The following ATF7 variants were observed in gnomAD, a reference collection of about 807,000 sequenced individuals.
ATF7 encodes activating transcription factor 7.
Under a neutral mutation model 50.4 loss-of-function variants are expected in ATF7, and 10 were observed. That is an observed-to-expected ratio of 0.20 (90% CI 0.12 to 0.34). The LOEUF (loss-of-function observed/expected upper bound fraction) is 0.34, where lower values mean the gene tolerates loss of function less well. Ranked by LOEUF, ATF7 falls within the 10% of genes least tolerant of loss-of-function variation. ATF7 has a pLI of 1.00. For synonymous variants in ATF7, 201 were observed against 226.4 expected (o/e 0.89, Z 1.01); for missense variants, 465 against 613.9 (o/e 0.76, Z 2.56).
chr12:53,620,575 CAAAAAAAAA>C (rs34516346), intron 1 of ATF7, among the ~76,000 whole-genome samples: 1 of 75,770 alleles, frequency 1.3e-5, no homozygotes, highest in East Asian at 4.6e-4. Context: ...GACTCCGTCT[CAAAAAAAAA>C]AAAAAAAAAA....
At chr12:53,614,629 G>GA (rs1226108651) in intron 1 of ATF7, among the ~76,000 whole-genome samples, 1 of 152,224 alleles carries the variant, frequency 6.6e-6, no homozygotes, top group East Asian at 1.9e-4. Context: ...AAGTTCTCAG[G>GA]AAAAAATATT....
chr12:53,573,484 G>A (rs1941885817), intron 2 of ATF7, among the ~76,000 whole-genome samples: 1 of 152,222 alleles, frequency 6.6e-6, no homozygotes, highest in Non-Finnish European at 1.5e-5. Context: ...GTAGTGCTTG[G>A]CAGGCAGCAA....
chr12:53,524,552 G>A lies in ATF7; in HGVS notation c.1125+12C>T. 1 of 1,613,380 alleles carries A rather than the reference G, an allele frequency of 6.2e-7. No individual in the cohort carries two copies. The highest frequency in any genetic ancestry group is 8.5e-7 in the Non-Finnish European group (1 of 1,179,874). ...TTTCAACAATTCCAATAAGCATCCA[G>A]GACCCACTCACACTCAGCTGAATGT... On this transcript the variant is annotated intron_variant, in intron 10 of 11. Coordinates refer to ENST00000420353, the MANE Select transcript of ATF7 (RefSeq NM_006856.3). The surrounding 1 kb of genome is among the most constrained non-coding windows in gnomAD (Gnocchi z 4.6).
intron 2 of ATF7, among the ~76,000 whole-genome samples, chr12:53,570,736 CGTGTGTGTGTGTGTGT>C (rs57842916): frequency 3.5e-5 from 5 of 143,578 alleles, no homozygotes; most frequent in African/African-American, 5.2e-5. Context: ...CTCCTGTGTG[CGTGTGTGTGTGTGTGT>C]GTGTGTGTGT....
intron 9 of ATF7, among the ~76,000 whole-genome samples, chr12:53,528,762 TAAAAA>T (rs963986786): frequency 6.9e-6 from 1 of 145,356 alleles, no homozygotes; most frequent in African/African-American, 2.5e-5. Flanking sequence ...GACTCCATCT[TAAAAA>T]AAAAAGAAAA....
chr12:53,549,945 T>C (rs1156339967), intron 3 of ATF7, among the ~76,000 whole-genome samples: 1 of 152,148 alleles, frequency 6.6e-6, no homozygotes, highest in African/African-American at 2.4e-5. Context: ...CTCGAACTCC[T>C]GACCTCAGGT....
chr12:53,530,211 G>A (rs1167776890), intron 9 of ATF7, among the ~76,000 whole-genome samples: 1 of 152,174 alleles, frequency 6.6e-6, no homozygotes, highest in African/African-American at 2.4e-5. Context: ...CTTCCAACAG[G>A]AAAACTCAAA....
intron 11 of ATF7, among the ~76,000 whole-genome samples, chr12:53,520,111 C>G (rs1005640026): frequency 1.3e-5 from 2 of 152,186 alleles, no homozygotes; most frequent in Non-Finnish European, 2.9e-5. Flanking sequence ...ACATTTGGCT[C>G]TGTAGCTGGT....
rs187613056 is a variant in ATF7 at position 53,619,359 on chromosome 12, G to A, written c.-22+6920C>T. On this transcript the variant is annotated intron_variant, in intron 1 of 11. Coordinates refer to ENST00000420353, the MANE Select transcript of ATF7 (RefSeq NM_006856.3). ...AAAAATTAGCCAGGCGTGGTGGCAT[G>A]TGCCTGCAGTCCCAGCTACTTGGGA... 4.9e-4 allele frequency among the ~76,000 whole-genome samples: 74 copies of A among 151,758 alleles called. 1 individual carries two copies. In the East Asian group the frequency reaches 0.013, roughly 27 times the overall value.
At chr12:53,608,333 AACT>A (rs1943703707) in intron 1 of ATF7, among the ~76,000 whole-genome samples, 1 of 152,172 alleles carries the variant, frequency 6.6e-6, no homozygotes, top group Non-Finnish European at 1.5e-5. Flanking sequence ...CTCATTTTCT[AACT>A]ACAAAGAAAC....
At chr12:53,550,265 G>C (rs1324753901) in intron 3 of ATF7, among the ~76,000 whole-genome samples, 1 of 150,262 alleles carries the variant, frequency 6.7e-6, no homozygotes, top group Non-Finnish European at 1.5e-5. Context: ...GGGAGGTTGT[G>C]GTGAGCCGAG....
chr12:53,541,001 A>G (rs908059951), intron 4 of ATF7, among the ~76,000 whole-genome samples: 2 of 152,138 alleles, frequency 1.3e-5, no homozygotes, highest in African/African-American at 4.8e-5. Context: ...AAGCACTGGG[A>G]TTACAGGTGT....
chr12:53,562,992 A>C (rs901584534), intron 2 of ATF7, among the ~76,000 whole-genome samples: 8 of 152,160 alleles, frequency 5.3e-5, no homozygotes, highest in African/African-American at 1.4e-4. Context: ...GTCCTTGTTT[A>C]TGATTTTATT....
downstream of ATF7, chr12:53,507,996 T>C (rs1417989978): frequency 1.3e-5 from 2 of 153,150 alleles, no homozygotes; most frequent in African/African-American, 2.4e-5. Context: ...CATCCTCTGC[T>C]TGTGTGCCTC....
intron 2 of ATF7, among the ~76,000 whole-genome samples, chr12:53,584,072 C>G (rs554514535): frequency 1.3e-5 from 2 of 152,270 alleles, no homozygotes; most frequent in East Asian, 3.9e-4. Context: ...CTCCGCCTCC[C>G]AAGTTCAAGC....
chr12:53,550,976 A>G (rs1940319372), intron 3 of ATF7, among the ~76,000 whole-genome samples: 1 of 152,184 alleles, frequency 6.6e-6, no homozygotes, highest in South Asian at 2.1e-4. Flanking sequence ...CCCCAAATTT[A>G]CCTCTCAGAT....
At position 53,568,644 on chromosome 12, in the gene ATF7, T is replaced by C. The variant is rs79946382; in HGVS notation, c.49-16007A>G. Among the ~76,000 whole-genome samples, 1,072 of 152,320 alleles carry C rather than the reference T, an allele frequency of 7.0e-3. 16 individuals are homozygous for C. Among genetic ancestry groups the C allele is most frequent in the African/African-American group, 0.024 (1,017 of 41,568 alleles). ...ATTCTGCCCTGCTATCTTAATTTAA[T>C]GCAGCAAAAAATTCTTACCATAATT... On this transcript the variant is annotated intron_variant, in intron 2 of 11. Transcript: ENST00000420353.
chr12:53,519,649 G>C (rs1260179333), intron 11 of ATF7, among the ~76,000 whole-genome samples: 1 of 152,168 alleles, frequency 6.6e-6, no homozygotes, highest in South Asian at 2.1e-4. Flanking sequence ...GATTAACTAT[G>C]TATCAGAGTT....
intron 9 of ATF7, among the ~76,000 whole-genome samples, chr12:53,528,885 G>A (rs1180997060): frequency 6.6e-6 from 1 of 152,156 alleles, no homozygotes; most frequent in Non-Finnish European, 1.5e-5. Flanking sequence ...GGGAATGGAG[G>A]TGAAAGACTA....
Sources: gnomAD v4.1 joint callset for allele counts (sites outside exome capture counted in the v4.1 genomes callset) on GRCh38, gnomAD v4.1.1 for gene constraint, Gnocchi (gnomAD v3.1) non-coding constraint, MANE v1.5 for transcripts, NCBI Gene and HGNC (gene_info 2026-07-23, HGNC 2026-07-21) for gene names.